The following TTC23 variants were observed in gnomAD, a reference collection of about 807,000 sequenced individuals.
The protein encoded by TTC23 is tetratricopeptide repeat protein 23.
In TTC23, 58 loss-of-function variants were observed where a neutral mutation model predicts 55.1. That is an observed-to-expected ratio of 1.05 (90% CI 0.85 to 1.31). The LOEUF is 1.31. Among genes scored for constraint, TTC23 ranks in the 50% most tolerant of loss-of-function variants. TTC23 has a pLI of 0.00. For missense variants in TTC23, 516 were observed against 534.4 expected, an observed-to-expected ratio of 0.97 and a Z score of 0.34; for synonymous variants, 203 against 199.9, an observed-to-expected ratio of 1.02 and a Z score of -0.13.
chr15:99,194,970 T>C (rs956177723), intron 9 of TTC23, among the ~76,000 whole-genome samples: 1 of 152,164 alleles, frequency 6.6e-6, no homozygotes, highest in Non-Finnish European at 1.5e-5. Context: ...TGCAAAACTA[T>C]AAAACTCCTA....
chr15:99,239,314 A>G (rs2079572383), intron 3 of TTC23, among the ~76,000 whole-genome samples: 1 of 152,066 alleles, frequency 6.6e-6, no homozygotes, highest in South Asian at 2.1e-4. Context: ...GTGAAAACCC[A>G]TCTCTACTAA....
chr15:99,161,623 G>A, intron 11 of TTC23, 117 bp downstream of exon 11: 1 of 1,206,136 alleles, frequency 8.3e-7, no homozygotes, highest in Non-Finnish European at 1.1e-6. Flanking sequence ...TGTCCCTCTA[G>A]AGACTGGCAC....
intron 9 of TTC23, among the ~76,000 whole-genome samples, chr15:99,189,130 T>G (rs908497885): frequency 6.6e-6 from 1 of 152,136 alleles, no homozygotes; most frequent in Non-Finnish European, 1.5e-5. Context: ...AAATGTATTA[T>G]TATACATCTC....
At position 99,218,687 on chromosome 15, in the gene TTC23, G is replaced by GT; in HGVS notation, c.481dup (p.Thr161AsnfsTer25). 3.7e-6 allele frequency: 6 copies of GT among 1,614,030 alleles called. No homozygotes were observed. The highest frequency in any genetic ancestry group is 5.1e-6 in the Non-Finnish European group (6 of 1,180,028). On this transcript the variant is annotated frameshift_variant, in exon 8 of 14. Coordinates refer to ENST00000394132, the MANE Select transcript of TTC23 (RefSeq NM_001288615.3). LOFTEE classifies it high-confidence loss of function. ...CTCCTTTGAAAGTCTCTCTGCTTTT[G>GT]TCAAATTCTCTGCAGCTTCCTTAAA...
intron 3 of TTC23, among the ~76,000 whole-genome samples, chr15:99,240,281 T>C (rs892880856): frequency 6.6e-6 from 1 of 152,248 alleles, no homozygotes; most frequent in African/African-American, 2.4e-5. Flanking sequence ...CTTTTCTTTT[T>C]TGGCTTAATT....
At chr15:99,172,708 TGTA>T (rs1261771146) in intron 10 of TTC23, among the ~76,000 whole-genome samples, 1 of 152,204 alleles carries the variant, frequency 6.6e-6, no homozygotes, top group Admixed American at 6.5e-5. Flanking sequence ...AATTAATAAA[TGTA>T]GTGTGGTGAG....
At chr15:99,226,018 C>G (rs754113665) in intron 5 of TTC23, among the ~76,000 whole-genome samples, 1 of 152,086 alleles carries the variant, frequency 6.6e-6, no homozygotes, top group Non-Finnish European at 1.5e-5. Context: ...AAGCATAAGA[C>G]GAACTCAAAC....
chr15:99,161,961 G>A lies in TTC23; in HGVS notation c.866-94C>T, dbSNP rs148660736. 197 of 1,363,520 alleles carry A rather than the reference G, an allele frequency of 1.4e-4. 1 individual carries two copies. In the East Asian group the frequency reaches 3.2e-3, roughly 22 times the overall value. The allele number at this position is 1,363,520 out of a possible 1,614,324, so 84.5% of individuals were successfully genotyped here. ...ACTGTTAGCAGTGTTGAGCTATTTGGAAAGAGGTATTGGGACAAGAAAAAA... is the reference window on the plus strand; with the variant it reads ...ACTGTTAGCAGTGTTGAGCTATTTGAAAAGAGGTATTGGGACAAGAAAAAA... On this transcript the variant is annotated intron_variant, in intron 10 of 13. Coordinates refer to ENST00000394132, the MANE Select transcript of TTC23 (RefSeq NM_001288615.3).
chr15:99,157,176 T>A (rs1174771257), intron 11 of TTC23: 1 of 147,934 alleles, frequency 6.8e-6, no homozygotes, highest in Admixed American at 6.8e-5. Context: ...TCTCAGCAGA[T>A]CTTCCATTTT....
At chr15:99,165,010 T>G (rs530938790) in intron 10 of TTC23, among the ~76,000 whole-genome samples, 1 of 152,186 alleles carries the variant, frequency 6.6e-6, no homozygotes, top group South Asian at 2.1e-4. Flanking sequence ...AACTCCCTTA[T>G]AAGGAGGTAT....
intron 8 of TTC23, among the ~76,000 whole-genome samples, chr15:99,217,474 A>G (rs968003373): frequency 3.3e-5 from 5 of 152,214 alleles, no homozygotes; most frequent in Non-Finnish European, 7.3e-5. Flanking sequence ...TACAAATTTT[A>G]AACACATAAA....
At chr15:99,164,655 T>G (rs2071811138) in intron 10 of TTC23, among the ~76,000 whole-genome samples, 1 of 152,244 alleles carries the variant, frequency 6.6e-6, no homozygotes, top group Non-Finnish European at 1.5e-5. Flanking sequence ...TAGTTTTGCA[T>G]TTGTACTTCC....
chr15:99,179,028 G>C (rs2073872738), intron 9 of TTC23, among the ~76,000 whole-genome samples: 1 of 152,164 alleles, frequency 6.6e-6, no homozygotes, highest in African/African-American at 2.4e-5. Context: ...GTATCTCTCA[G>C]TCTGAGGGAA....
At chr15:99,187,467 A>AC (rs1318955080) in intron 9 of TTC23, among the ~76,000 whole-genome samples, 2 of 146,592 alleles carry the variant, frequency 1.4e-5, no homozygotes, top group Admixed American at 6.8e-5. Context: ...AAAAAAAAAA[A>AC]ACAAAACAAA....
At chr15:99,170,794 C>T (rs2072818775) in intron 10 of TTC23, among the ~76,000 whole-genome samples, 1 of 152,188 alleles carries the variant, frequency 6.6e-6, no homozygotes. Context: ...GGAATGTACC[C>T]ACCTGTGCTC....
chr15:99,194,406 A>G (rs1190253685), intron 9 of TTC23, among the ~76,000 whole-genome samples: 1 of 152,156 alleles, frequency 6.6e-6, no homozygotes, highest in Non-Finnish European at 1.5e-5. Flanking sequence ...AAGAAGAGAC[A>G]AAGAGATCAT....
intron 11 of TTC23, 58 bp downstream of exon 11, chr15:99,161,682 G>A (rs2071397386): frequency 1.3e-6 from 2 of 1,569,710 alleles, no homozygotes; most frequent in Non-Finnish European, 1.7e-6. Flanking sequence ...GAGTAAAGGA[G>A]TTGCCCTTTG....
At chr15:99,241,852 C>T (rs1258945478) in intron 2 of TTC23, among the ~76,000 whole-genome samples, 1 of 152,116 alleles carries the variant, frequency 6.6e-6, no homozygotes, top group Non-Finnish European at 1.5e-5. Flanking sequence ...AAAACCTCAT[C>T]AATCAGGGAC....
intron 6 of TTC23, among the ~76,000 whole-genome samples, 188 bp from the exon 7 acceptor site, chr15:99,219,236 C>T (rs2077718110): frequency 6.6e-6 from 1 of 152,112 alleles, no homozygotes; most frequent in African/African-American, 2.4e-5. Flanking sequence ...ATACCAAGTA[C>T]CCAAGATAAA....
Sources: allele counts gnomAD v4.1 joint callset (sites outside exome capture counted in the v4.1 genomes callset), GRCh38; gene constraint gnomAD v4.1.1; transcripts MANE v1.5; gene names NCBI Gene and HGNC (gene_info 2026-07-23, HGNC 2026-07-21).